Variants in FLNA observed in about 807,000 individuals in gnomAD.
FLNA encodes the protein filamin-A.
A neutral mutation model predicts 157.6 loss-of-function variants in FLNA; 7 were observed. The observed-to-expected ratio is 0.04, with a 90% CI of 0.03 to 0.08. The LOEUF (loss-of-function observed/expected upper bound fraction) is 0.08. Among genes scored for constraint, FLNA ranks in the 10% least tolerant of loss-of-function variants. The pLI, the probability that FLNA is intolerant of heterozygous loss-of-function variation, is 1.00. For synonymous variants in FLNA, 1,103 were observed against 1,060.8 expected, an observed-to-expected ratio of 1.04 and a Z score of -0.77; for missense variants, 1,750 against 2,398.4, an observed-to-expected ratio of 0.73 and a Z score of 5.65.
In FLNA at chrX:154,361,609, C is replaced by T. The variant is rs1191300824; in HGVS notation, c.2945-39G>A. ...GAAAGGAAGGAGAGAGACATGACACCCAGCTCAGCCAATCCCTGGATGTGA... is the reference window on the plus strand; with the variant it reads ...GAAAGGAAGGAGAGAGACATGACACTCAGCTCAGCCAATCCCTGGATGTGA... On this transcript the variant is annotated intron_variant, in intron 20 of 47. Transcript: ENST00000369850. 6 of 1,208,334 alleles carry T rather than the reference C, an allele frequency of 5.0e-6. No homozygotes were observed. In the African/African-American group the frequency reaches 7.0e-5, roughly 14 times the overall value.
rs886039104 is a variant in FLNA, at chrX:154,349,514, A to G, written c.7604T>C (p.Val2535Ala). 2 of 1,212,274 alleles carry G rather than the reference A, an allele frequency of 1.6e-6. No individual in the cohort carries two copies. The highest frequency in any genetic ancestry group is 3.0e-5 in the East Asian group (1 of 33,864). ...HSLHETSSVF[V>A]DSLTKATCAP... The stretch of plus-strand genomic sequence containing the variant: ...ACAGGTGGCCTTGGTCAGAGAGTCT[A>G]CAAACACTGATGATGTCTCGTGGAG... The change falls in exon 47 of 48, where the codon GTA (valine) becomes GCA (alanine). Residue 2535 changes from valine to alanine, a missense_variant. Coordinates refer to ENST00000369850, the MANE Select transcript of FLNA (RefSeq NM_001110556.2).
At chrX:154,365,608 C>G in intron 9 of FLNA, 122 bp from the exon 10 acceptor site, 1 of 857,814 alleles carries the variant, frequency 1.2e-6, no homozygotes, top group East Asian at 3.4e-5. Context: ...GGGGGACATG[C>G]AAGACAGAAC....
chrX:154,358,593 C>A, intron 26 of FLNA, 25 bp from the exon 27 acceptor site: 1 of 1,206,617 alleles, frequency 8.3e-7, no homozygotes, highest in Non-Finnish European at 1.1e-6. Flanking sequence ...AGGGACAGAG[C>A]ATCAGCTAGT....
rs190712778 is a variant in FLNA, at chrX:154,353,407, T to A, written c.5911A>T (p.Ile1971Phe). The change falls in exon 37 of 48, where the codon ATC becomes TTC. Residue 1971 changes from isoleucine to phenylalanine, a missense_variant. Around this residue, in one of 5 missense-constraint regions of FLNA, gnomAD observed 970 missense variants for 1,302.6 expected, o/e 0.74. Transcript: ENST00000369850. Reference sequence around the variant, plus strand: ...TCCGTCTCTGAGATGTTGATGGGGATGTCGGCAGCAGAGCCGACCTTTAGG... The same window carrying A: ...TCCGTCTCTGAGATGTTGATGGGGAAGTCGGCAGCAGAGCCGACCTTTAGG... ...SHLKVGSAAD[I>F]PINISETDLS... The A allele has an allele frequency of 3.8e-5, 46 of 1,210,436 alleles. No homozygotes were observed. In the Admixed American group the frequency reaches 7.8e-4, roughly 21 times the overall value.
chrX:154,361,619 C>G (rs782365465), intron 20 of FLNA, 49 bp from the exon 21 acceptor site: 1 of 1,208,858 alleles, frequency 8.3e-7, no homozygotes, highest in East Asian at 3.0e-5. Flanking sequence ...CCAGCTCAGC[C>G]AATCCCTGGA....
At chrX:154,351,145 T>G in intron 43 of FLNA, 104 bp from the exon 44 acceptor site, 2 of 959,984 alleles carry the variant, frequency 2.1e-6, no homozygotes, top group Non-Finnish European at 1.5e-6. Flanking sequence ...CTTACCCATC[T>G]GGCGTCCAAC....
At position 154,362,014 on chromosome X, in the gene FLNA, T is replaced by C. The variant is rs190437842; in HGVS notation, c.2791A>G (p.Asn931Asp). 5.3e-5 allele frequency: 64 copies of C among 1,207,758 alleles called. No homozygotes were observed. In the East Asian group the frequency reaches 1.9e-3, roughly 35 times the overall value. The change falls in exon 19 of 48, where the codon AAC becomes GAC. Residue 931 changes from asparagine (N) to aspartate (D), a missense_variant. Physicochemically the swap from Asn to Asp is conservative, Grantham distance 23 (BLOSUM62 1). This residue lies in a region of FLNA where 648 missense variants were observed against 805.8 expected (regional missense o/e 0.80). Coordinates refer to ENST00000369850, the MANE Select transcript of FLNA (RefSeq NM_001110556.2). ...GGCGTGTACTTGACTGTGTAGGTGT[T>C]GTCATGGTGGTCGATGATGTCCACA... ...RDVDIIDHHD[N>D]TYTVKYTPVQ...
In FLNA at chrX:154,364,283, C is replaced by T. The variant is rs1557178670; in HGVS notation, c.2112G>A (p.Lys704=). The stretch of plus-strand genomic sequence containing the variant: ...CCTGGACTTGGACCCGAAGTGGGGC[C>T]TTGCCACCGTGCTTGGCATCCACTG... ...EFTVDAKHGG[K]APLRVQVQDN... is the part of the protein sequence containing the mutation. The change falls in exon 14 of 48, where the codon AAG becomes AAA. Residue 704 remains lysine, a synonymous_variant. Transcript: ENST00000369850. 1 of 1,211,281 alleles carries T rather than the reference C, an allele frequency of 8.3e-7. No individual in the cohort carries two copies. Among genetic ancestry groups the T allele is most frequent in the Non-Finnish European group, 1.1e-6 (1 of 895,278 alleles).
chrX:154,365,291 C>T (rs373053075), intron 10 of FLNA, 32 bp from the exon 11 acceptor site: 62 of 1,210,794 alleles, frequency 5.1e-5, no homozygotes, highest in Non-Finnish European at 6.7e-5. Flanking sequence ...CAGGCCTGCC[C>T]AGCAGTGAAC....
chrX:154,369,469 G>A (rs2067787786), intron 2 of FLNA, among the ~76,000 whole-genome samples: 2 of 112,344 alleles, frequency 1.8e-5, no homozygotes, highest in African/African-American at 6.5e-5. Flanking sequence ...CAGGGCCCAG[G>A]GCTGGGAGAC....
Position 154,364,163 on chromosome X carries a change from G to A in FLNA, c.2139C>T (p.Asp713=). 2 of 1,211,260 alleles carry A rather than the reference G, an allele frequency of 1.7e-6. No homozygotes were observed. The highest frequency in any genetic ancestry group is 3.0e-5 in the East Asian group (1 of 33,834). The stretch of plus-strand genomic sequence containing the variant: ...ACGCCTCCACAGGGCAGCCTTCATT[G>A]TCCTGTCAGGCAGATAGGAGCAGGT... ...GKAPLRVQVQ[D]NEGCPVEALV... Residue 713 remains aspartate, a splice_region_variant and synonymous_variant, in exon 15 of 48, where the codon GAC becomes GAT. Transcript: ENST00000369850.
rs1557179384 is a variant in FLNA, at chrX:154,366,735, C to T, written c.984G>A (p.Glu328=). 8.3e-7 allele frequency: 1 copy of T among 1,207,422 alleles called. No homozygotes were observed. Among genetic ancestry groups the T allele is most frequent in the African/African-American group, 1.7e-5 (1 of 57,426 alleles). Residue 328 remains glutamate, a synonymous_variant, in exon 6 of 48, where the codon GAG becomes GAA. Transcript: ENST00000369850. The part of the protein sequence containing the change: ...VYVEDPAGHQ[E]EAKVTANNDK... Reference sequence around the variant, plus strand: ...TGCTGCCAGCAGCTGGCCCTACCTCCTCCTGGTGTCCGGCCGGGTCCTCCA... The same window carrying T: ...TGCTGCCAGCAGCTGGCCCTACCTCTTCCTGGTGTCCGGCCGGGTCCTCCA...
At chrX:154,372,791 A>T (rs1318877359) in intron 1 of FLNA, among the ~76,000 whole-genome samples, 1 of 108,375 alleles carries the variant, frequency 9.2e-6, no homozygotes, top group African/African-American at 3.4e-5. Flanking sequence ...GTAATAATTA[A>T]TTTATCTGCT....
In FLNA at chrX:154,371,214, C is replaced by T. The variant is rs782397616; in HGVS notation, c.32G>A (p.Ser11Asn). MSSSHSRAGQ[S>N]AAGAAPGGGV... ...GCCGCCCGGAGCCGCGCCTGCTGCG[C>T]TCTGGCCCGCCCGAGAGTGGGAGCT... Residue 11 changes from serine to asparagine, a missense_variant, in exon 2 of 48, where the codon AGC becomes AAC. This residue lies in a region of FLNA where 58 missense variants were observed against 27.8 expected (regional missense o/e 2.09). Transcript: ENST00000369850. 8.3e-7 allele frequency: 1 copy of T among 1,199,826 alleles called. No homozygotes were observed. Among genetic ancestry groups the T allele is most frequent in the East Asian group, 3.0e-5 (1 of 33,463 alleles).
chrX:154,366,296 G>C lies in FLNA; in HGVS notation c.1228+12C>G, dbSNP rs1557179255. 6.6e-6 allele frequency: 8 copies of C among 1,211,500 alleles called. No homozygotes were observed. The highest frequency in any genetic ancestry group is 7.8e-6 in the Non-Finnish European group (7 of 895,384). The stretch of plus-strand genomic sequence containing the variant: ...CCCACAGACCAGCTGGGCCTTGGCA[G>C]CCTCCCCTCACCTGCCGTAAAGATC... On this transcript the variant is annotated intron_variant, in intron 8 of 47. Transcript: ENST00000369850.
intron 26 of FLNA, 88 bp downstream of exon 26, chrX:154,358,896 C>T: frequency 8.5e-6 from 9 of 1,053,592 alleles, no homozygotes; most frequent in Non-Finnish European, 1.2e-5. Context: ...GCACTCTGGT[C>T]CTCACTTTGG....
In FLNA at chrX:154,354,003, G is replaced by A. The variant is rs782550300; in HGVS notation, c.5598C>T (p.Gly1866=). ...GGCCAGGCCCATAGGCAGTGACATGGCCACAGTTGACGTAATCCACATAGA... is the reference window on the plus strand; with the variant it reads ...GGCCAGGCCCATAGGCAGTGACATGACCACAGTTGACGTAATCCACATAGA... ...LQFYVDYVNC[G]HVTAYGPGLT... The change falls in exon 35 of 48, where the codon GGC becomes GGT. Residue 1866 remains glycine, a synonymous_variant. Coordinates refer to ENST00000369850, the MANE Select transcript of FLNA (RefSeq NM_001110556.2). The A allele has an allele frequency of 8.3e-7, 1 of 1,210,638 alleles. No individual in the cohort carries two copies. Among genetic ancestry groups the A allele is most frequent in the East Asian group, 3.0e-5 (1 of 33,805 alleles).
chrX:154,351,828 G>A (rs202025707), intron 42 of FLNA, 56 bp downstream of exon 42: 8 of 1,194,903 alleles, frequency 6.7e-6, no homozygotes, highest in Non-Finnish European at 9.1e-6. Flanking sequence ...CCAGCCCTGG[G>A]TCCAATACCC....
chrX:154,359,639 G>A lies in FLNA; in HGVS notation c.3987C>T (p.His1329=). The A allele has an allele frequency of 4.1e-6, 5 of 1,211,099 alleles. No homozygotes were observed. The highest frequency in any genetic ancestry group is 5.6e-6 in the Non-Finnish European group (5 of 895,463). The change falls in exon 24 of 48, where the codon CAC becomes CAT. Residue 1329 remains histidine, a synonymous_variant. Transcript: ENST00000369850. ...VEYTPYEEGL[H]SVDVTYDGSP... ...TGCCGTCATAGGTCACGTCCACGGA[G>A]TGCAGTCCTGGAGGAGTGCAGGCCA...
Sources: allele counts gnomAD v4.1 joint callset (sites outside exome capture counted in the v4.1 genomes callset), GRCh38; gene constraint gnomAD v4.1.1; regional missense constraint gnomAD v4.1.1; transcripts MANE v1.5; gene names NCBI Gene and HGNC (gene_info 2026-07-23, HGNC 2026-07-21).